The following GPC5 variants were observed in gnomAD, a reference collection of about 807,000 sequenced individuals.
The protein encoded by GPC5 is glypican 5, also known as glypican-5.
A neutral mutation model predicts 53.9 loss-of-function variants in GPC5; 47 were observed. That is an observed-to-expected ratio of 0.87 (90% CI 0.69 to 1.11). The LOEUF (loss-of-function observed/expected upper bound fraction) is 1.11. Among genes scored for constraint, GPC5 ranks in the 50% most tolerant of loss-of-function variants. The pLI is 0.00. For missense variants in GPC5, 748 were observed against 713.1 expected, an observed-to-expected ratio of 1.05 and a Z score of -0.56; for synonymous variants, 286 against 263.3, an observed-to-expected ratio of 1.09 and a Z score of -0.84.
At chr13:92,410,728 A>T (rs1240543621) in intron 7 of GPC5, among the ~76,000 whole-genome samples, 2 of 152,208 alleles carry the variant, frequency 1.3e-5, no homozygotes, top group African/African-American at 2.4e-5. Context: ...TGAGTTAAAA[A>T]CCGGATTAAA....
chr13:92,850,891 CCA>C (rs903398747), intron 7 of GPC5, among the ~76,000 whole-genome samples: 2 of 152,152 alleles, frequency 1.3e-5, no homozygotes, highest in African/African-American at 4.8e-5. Context: ...CTGTATTAGT[CCA>C]TTCTCACTCT....
intron 4 of GPC5, among the ~76,000 whole-genome samples, chr13:91,755,222 C>T (rs540971830): frequency 6.6e-6 from 1 of 152,134 alleles, no homozygotes; most frequent in East Asian, 1.9e-4. Context: ...AAATTAGTTA[C>T]TCCAGGCATA....
At chr13:92,448,748 C>T (rs1555335892) in intron 7 of GPC5, 1 of 151,406 alleles carries the variant, frequency 6.6e-6, no homozygotes, top group Non-Finnish European at 1.5e-5. Context: ...AAGAATTGCT[C>T]ATTCAAAATA....
In GPC5 at chr13:91,760,726, T is replaced by G. The variant is rs193263478; in HGVS notation, c.1280+4306T>G. Among the ~76,000 whole-genome samples the G allele has an allele frequency of 1.4e-3, 218 of 152,284 alleles. 1 individual carries two copies. The Middle Eastern group carries it at 0.037, about 26-fold the overall frequency. On this transcript the variant is annotated intron_variant, in intron 5 of 7. Transcript: ENST00000377067. The stretch of plus-strand genomic sequence containing the variant: ...AGACTAGGAGAGCCATACAGACTAT[T>G]TTAATATCATGACAGTCCTGTAAAA...
chr13:91,503,599 G>A (rs1398662772), intron 2 of GPC5, among the ~76,000 whole-genome samples: 2 of 151,462 alleles, frequency 1.3e-5, no homozygotes, highest in Admixed American at 1.3e-4. Context: ...GGCCAACATG[G>A]TGAAACCCTG....
chr13:92,398,450 AT>A (rs1277900423), intron 7 of GPC5, among the ~76,000 whole-genome samples: 3 of 148,946 alleles, frequency 2.0e-5, no homozygotes, highest in African/African-American at 7.5e-5. Flanking sequence ...AAAAAAAAAA[AT>A]TATTCCACTC....
chr13:92,084,288 A>G (rs962287110), intron 6 of GPC5, among the ~76,000 whole-genome samples: 4 of 152,204 alleles, frequency 2.6e-5, no homozygotes, highest in Non-Finnish European at 5.9e-5. Context: ...ATTTTTTTTA[A>G]ATATAACATA....
At chr13:91,469,851 C>T (rs541357624) in intron 2 of GPC5, among the ~76,000 whole-genome samples, 74 of 152,064 alleles carry the variant, frequency 4.9e-4, no homozygotes, top group Admixed American at 1.1e-3. Flanking sequence ...ACCAGCCTGG[C>T]CAACATGATG....
At chr13:92,071,528 A>G (rs1435439615) in intron 6 of GPC5, among the ~76,000 whole-genome samples, 2 of 152,078 alleles carry the variant, frequency 1.3e-5, no homozygotes, top group African/African-American at 4.8e-5. Context: ...TGGTTCCTGC[A>G]TTATCTGCTG....
intron 6 of GPC5, among the ~76,000 whole-genome samples, chr13:92,104,966 T>C (rs1316050076): frequency 6.6e-6 from 1 of 152,142 alleles, no homozygotes; most frequent in Non-Finnish European, 1.5e-5. Context: ...TGTTCAGTCA[T>C]TGAACTGATC....
At chr13:92,608,567 A>C (rs1884331836) in intron 7 of GPC5, among the ~76,000 whole-genome samples, 1 of 152,176 alleles carries the variant, frequency 6.6e-6, no homozygotes, top group South Asian at 2.1e-4. Flanking sequence ...TAAATGCATT[A>C]TTTTGGCCCA....
intron 3 of GPC5, among the ~76,000 whole-genome samples, chr13:91,699,770 T>C (rs537742155): frequency 1.6e-4 from 24 of 152,316 alleles, no homozygotes; most frequent in African/African-American, 5.8e-4. Context: ...ACAGGAGGGT[T>C]ATCTATTCTA....
intron 7 of GPC5, among the ~76,000 whole-genome samples, chr13:92,293,760 T>C (rs1434284907): frequency 6.6e-6 from 1 of 152,160 alleles, no homozygotes; most frequent in Non-Finnish European, 1.5e-5. Context: ...GGCATCCTTG[T>C]CTTGTTCCAG....
At chr13:92,321,332 G>A (rs1168692281) in intron 7 of GPC5, among the ~76,000 whole-genome samples, 2 of 152,192 alleles carry the variant, frequency 1.3e-5, no homozygotes, top group East Asian at 1.9e-4. Flanking sequence ...GGTGGCTGAC[G>A]CCTGTAATCC....
chr13:91,485,370 GC>G (rs1329019155), intron 2 of GPC5, among the ~76,000 whole-genome samples: 2 of 152,006 alleles, frequency 1.3e-5, no homozygotes, highest in Non-Finnish European at 2.9e-5. Flanking sequence ...ATACCACCAT[GC>G]CCAGCTAATT....
intron 7 of GPC5, among the ~76,000 whole-genome samples, chr13:92,852,438 G>GCA (rs1363246794): frequency 1.3e-5 from 2 of 152,158 alleles, no homozygotes; most frequent in African/African-American, 4.8e-5. Flanking sequence ...CTTGATAAAT[G>GCA]CAACAACAAC....
chr13:92,500,120 A>G (rs572494586), intron 7 of GPC5, among the ~76,000 whole-genome samples: 3 of 152,344 alleles, frequency 2.0e-5, no homozygotes, highest in Non-Finnish European at 2.9e-5. Flanking sequence ...CAGCATGGAC[A>G]TAAGGAACAC....
intron 2 of GPC5, among the ~76,000 whole-genome samples, chr13:91,593,643 G>A (rs562086499): frequency 6.6e-6 from 1 of 152,140 alleles, no homozygotes; most frequent in Non-Finnish European, 1.5e-5. Flanking sequence ...ACTTACAGAT[G>A]TTGCTTTACT....
At chr13:92,856,038 C>G (rs955446235) in intron 7 of GPC5, among the ~76,000 whole-genome samples, 1 of 151,940 alleles carries the variant, frequency 6.6e-6, no homozygotes, top group Non-Finnish European at 1.5e-5. Flanking sequence ...ATACCAAAAC[C>G]TGGCAAAAAC....
Sources: allele counts gnomAD v4.1 joint callset (sites outside exome capture counted in the v4.1 genomes callset), GRCh38; gene constraint gnomAD v4.1.1; transcripts MANE v1.5; gene names NCBI Gene and HGNC (gene_info 2026-07-23, HGNC 2026-07-21).